MB21D2: variants seen among roughly 807,000 people sequenced by gnomAD.
The protein encoded by MB21D2 is Mab-21 domain containing 2.
A neutral mutation model predicts 33.3 loss-of-function variants in MB21D2; 9 were observed. The ratio of observed to expected loss-of-function variants is 0.27; its 90% CI spans 0.16 to 0.47. MB21D2 has a LOEUF of 0.47. Ranked by LOEUF, MB21D2 falls within the 20% of genes least tolerant of loss-of-function variation. The pLI, the probability that MB21D2 is intolerant of heterozygous loss-of-function variation, is 0.99. For missense variants in MB21D2, 540 were observed against 624.6 expected, an observed-to-expected ratio of 0.86 and a Z score of 1.44; for synonymous variants, 241 against 236.3, an observed-to-expected ratio of 1.02 and a Z score of -0.18.
chr3:192,885,166 T>C (rs911876395), intron 1 of MB21D2, among the ~76,000 whole-genome samples: 3 of 152,094 alleles, frequency 2.0e-5, no homozygotes, highest in African/African-American at 7.3e-5. Flanking sequence ...TGTGACTACA[T>C]TGTAAGCCCA....
intron 1 of MB21D2, among the ~76,000 whole-genome samples, chr3:192,842,247 A>G (rs1410082946): frequency 2.0e-5 from 3 of 152,244 alleles, no homozygotes; most frequent in South Asian, 4.1e-4. Context: ...CGGCAGGAAC[A>G]TGGTCTACCA....
At chr3:192,884,648 T>G (rs1387485370) in intron 1 of MB21D2, among the ~76,000 whole-genome samples, 3 of 152,044 alleles carry the variant, frequency 2.0e-5, no homozygotes, top group East Asian at 1.9e-4. Context: ...ATTACAGGCG[T>G]GAGCCATCGC....
intron 1 of MB21D2, among the ~76,000 whole-genome samples, chr3:192,875,500 G>A (rs146367803): frequency 2.0e-5 from 3 of 152,278 alleles, no homozygotes; most frequent in South Asian, 4.1e-4. Context: ...AAGACTGTAG[G>A]TGGATTTTTT....
intron 1 of MB21D2, among the ~76,000 whole-genome samples, chr3:192,884,514 C>A (rs1042154667): frequency 7.1e-6 from 1 of 141,780 alleles, no homozygotes; most frequent in East Asian, 2.1e-4. Context: ...CTACAGGCGC[C>A]CGCCACCACG....
chr3:192,804,918 C>T (rs916054293), intron 1 of MB21D2, among the ~76,000 whole-genome samples: 7 of 152,170 alleles, frequency 4.6e-5, no homozygotes, highest in African/African-American at 1.7e-4. Flanking sequence ...GTCACTAATC[C>T]ATGAAATTCT....
intron 1 of MB21D2, among the ~76,000 whole-genome samples, chr3:192,889,385 C>G (rs1713803251): frequency 6.6e-6 from 1 of 152,048 alleles, no homozygotes; most frequent in Non-Finnish European, 1.5e-5. Flanking sequence ...AGCAGGAGCT[C>G]TTGGCAGAAA....
chr3:192,852,907 C>T (rs1439772214), intron 1 of MB21D2, among the ~76,000 whole-genome samples: 1 of 152,200 alleles, frequency 6.6e-6, no homozygotes, highest in Non-Finnish European at 1.5e-5. Flanking sequence ...ACTTTTATGA[C>T]CATCTGAAAT....
intron 1 of MB21D2, among the ~76,000 whole-genome samples, chr3:192,904,141 A>G (rs1714158573): frequency 6.6e-6 from 1 of 152,182 alleles, no homozygotes; most frequent in Non-Finnish European, 1.5e-5. Context: ...GGTTCGCAAT[A>G]TTTTAGTGTG....
intron 1 of MB21D2, among the ~76,000 whole-genome samples, chr3:192,904,082 A>C (rs1010285684): frequency 6.6e-6 from 1 of 152,168 alleles, no homozygotes; most frequent in Non-Finnish European, 1.5e-5. Flanking sequence ...TGGTGTTAGG[A>C]CTGATTTAGC....
intron 1 of MB21D2, among the ~76,000 whole-genome samples, chr3:192,803,062 T>C (rs1711589562): frequency 6.6e-6 from 1 of 152,218 alleles, no homozygotes; most frequent in Admixed American, 6.5e-5. Context: ...CTGGAGATAA[T>C]TTGTCTACAA....
chr3:192,817,018 T>C (rs1265397814), intron 1 of MB21D2, among the ~76,000 whole-genome samples: 3 of 152,250 alleles, frequency 2.0e-5, no homozygotes, highest in African/African-American at 7.2e-5. Flanking sequence ...TCACATTCTG[T>C]TCACACTTCT....
intron 1 of MB21D2, among the ~76,000 whole-genome samples, chr3:192,866,028 G>C: frequency 1.3e-5 from 2 of 151,570 alleles, no homozygotes; most frequent in Non-Finnish European, 2.9e-5. Flanking sequence ...GGCCTGGGCA[G>C]CAGAGGAAGA....
At chr3:192,816,118 G>A (rs1367021266) in intron 1 of MB21D2, among the ~76,000 whole-genome samples, 3 of 151,962 alleles carry the variant, frequency 2.0e-5, no homozygotes, top group Non-Finnish European at 4.4e-5. Flanking sequence ...GAGAGACGAC[G>A]ACAGATTAAA....
At chr3:192,822,651 C>T (rs1560231007) in intron 1 of MB21D2, among the ~76,000 whole-genome samples, 1 of 152,200 alleles carries the variant, frequency 6.6e-6, no homozygotes, top group Non-Finnish European at 1.5e-5. Context: ...TCACTGTATC[C>T]TTTACGGCTT....
chr3:192,915,977 CAA>C (rs879800827), intron 1 of MB21D2, among the ~76,000 whole-genome samples: 86 of 152,200 alleles, frequency 5.7e-4, no homozygotes, highest in Non-Finnish European at 9.1e-4. Context: ...ATTAACTAAA[CAA>C]CTTAAGTAAC....
At position 192,808,079 on chromosome 3, in the gene MB21D2, G is replaced by A. The variant is rs1012197701; in HGVS notation, c.212-8429C>T. Reference sequence around the variant, plus strand: ...TCTGCTGGAGGAAAAGAAGGCTCTGGGCATTCTCTTTTTGGCAGTTAAATG... The same window carrying A: ...TCTGCTGGAGGAAAAGAAGGCTCTGAGCATTCTCTTTTTGGCAGTTAAATG... On this transcript the variant is annotated intron_variant, in intron 1 of 1. Coordinates refer to ENST00000392452, the MANE Select transcript of MB21D2 (RefSeq NM_178496.4). 8.3e-4 allele frequency among the ~76,000 whole-genome samples: 127 copies of A among 152,186 alleles called. 1 individual carries two copies. The highest frequency in any genetic ancestry group is 3.0e-3 in the African/African-American group (123 of 41,510).
chr3:192,894,030 G>C (rs770444034), intron 1 of MB21D2, among the ~76,000 whole-genome samples: 6 of 152,018 alleles, frequency 3.9e-5, no homozygotes, highest in Non-Finnish European at 8.8e-5. Flanking sequence ...GACAGACTCT[G>C]TCTCTAAAAA....
intron 1 of MB21D2, among the ~76,000 whole-genome samples, chr3:192,816,627 A>C (rs988508546): frequency 1.3e-5 from 2 of 152,214 alleles, no homozygotes; most frequent in Non-Finnish European, 2.9e-5. Flanking sequence ...TCAAATGCCC[A>C]CATGCTGTTT....
intron 1 of MB21D2, among the ~76,000 whole-genome samples, chr3:192,831,808 A>G (rs1055551494): frequency 6.6e-6 from 1 of 152,224 alleles, no homozygotes; most frequent in East Asian, 1.9e-4. Context: ...TGTAAGGATC[A>G]ATGGAATAAC....
Sources: gnomAD v4.1 joint callset for allele counts (sites outside exome capture counted in the v4.1 genomes callset) on GRCh38, gnomAD v4.1.1 for gene constraint, MANE v1.5 for transcripts, NCBI Gene and HGNC (gene_info 2026-07-23, HGNC 2026-07-21) for gene names.